The following WWC1 variants were observed in gnomAD, a reference collection of about 807,000 sequenced individuals.
WWC1 encodes protein KIBRA.
Under a neutral mutation model 138.4 loss-of-function variants are expected in WWC1, and 55 were observed. The ratio of observed to expected loss-of-function variants is 0.40; its 90% CI spans 0.32 to 0.50. The LOEUF (loss-of-function observed/expected upper bound fraction) is 0.50. WWC1 is among the 20% of genes least tolerant of loss of function. WWC1 has a pLI of 0.72. For synonymous variants in WWC1, 524 were observed against 564.9 expected (o/e 0.93, Z 1.03); for missense variants, 1,226 against 1,420.4 (o/e 0.86, Z 2.20).
At chr5:168,382,693 G>GT (rs936079359) in intron 2 of WWC1, among the ~76,000 whole-genome samples, 1 of 152,058 alleles carries the variant, frequency 6.6e-6, no homozygotes, top group African/African-American at 2.4e-5. Flanking sequence ...TCTCCGCCTT[G>GT]TTTTTTTGTT....
chr5:168,334,054 GAAAAAAA>G (rs70976475), intron 1 of WWC1, among the ~76,000 whole-genome samples: 2 of 44,510 alleles, frequency 4.5e-5, no homozygotes, highest in South Asian at 1.8e-3. Context: ...CATCCCTACT[GAAAAAAA>G]AAAAAAAAAA....
At chr5:168,423,148 C>CA (rs373732656) in intron 10 of WWC1, among the ~76,000 whole-genome samples, 3 of 106,918 alleles carry the variant, frequency 2.8e-5, no homozygotes, top group South Asian at 2.9e-4. Context: ...CCATCCCCCC[C>CA]CAAAAAAAAA....
intron 5 of WWC1, among the ~76,000 whole-genome samples, chr5:168,404,585 G>A (rs1038918030): frequency 6.6e-6 from 1 of 152,210 alleles, no homozygotes; most frequent in Admixed American, 6.5e-5. Context: ...TTCTGCTCAG[G>A]ATTCCCCATG....
intron 1 of WWC1, among the ~76,000 whole-genome samples, chr5:168,343,755 G>C (rs1774240834): frequency 6.6e-6 from 1 of 151,710 alleles, no homozygotes; most frequent in Non-Finnish European, 1.5e-5. Flanking sequence ...CCAGGAGGCG[G>C]AGGTTGCAGT....
chr5:168,337,636 G>A (rs557547568), intron 1 of WWC1, among the ~76,000 whole-genome samples: 1 of 152,366 alleles, frequency 6.6e-6, no homozygotes, highest in East Asian at 1.9e-4. Flanking sequence ...CACTGTTTCT[G>A]TTTTCATGGA....
intron 15 of WWC1, among the ~76,000 whole-genome samples, chr5:168,440,510 G>GTTTTGTT (rs572953001): frequency 6.6e-6 from 1 of 151,968 alleles, no homozygotes; most frequent in African/African-American, 2.4e-5. Context: ...TGTTGTTGTT[G>GTTTTGTT]TTGTTTTGTT....
chr5:168,370,063 G>C (rs889708456), intron 1 of WWC1, among the ~76,000 whole-genome samples: 1 of 125,164 alleles, frequency 8.0e-6, no homozygotes, highest in Admixed American at 8.6e-5. Flanking sequence ...ACCATGCCCA[G>C]CTAATTTTTG....
At chr5:168,364,607 G>T (rs1279220983) in intron 1 of WWC1, among the ~76,000 whole-genome samples, 1 of 152,184 alleles carries the variant, frequency 6.6e-6, no homozygotes, top group Non-Finnish European at 1.5e-5. Context: ...GCCTAGCATG[G>T]GCCTGGAGTG....
chr5:168,308,572 G>A (rs1429393387), intron 1 of WWC1, among the ~76,000 whole-genome samples: 1 of 152,170 alleles, frequency 6.6e-6, no homozygotes, highest in Admixed American at 6.5e-5. Flanking sequence ...TCAAGGCAGT[G>A]TCATCTGTTG....
Position 168,464,812 on chromosome 5 carries a change from C to A in WWC1, c.3000C>A (p.Thr1000=). The change falls in exon 21 of 23, where the codon ACC becomes ACA. Residue 1000 remains threonine (T), a synonymous_variant. Coordinates refer to ENST00000265293, the MANE Select transcript of WWC1 (RefSeq NM_015238.3). ...DLELDLQATR[T]WHSQLTQEIS... ...AGTTAGACCTGCAGGCGACAAGAAC[C>A]TGGCACAGCCAATTGACCCAGGAGA... 2 of 1,614,228 alleles carry A rather than the reference C, an allele frequency of 1.2e-6. No homozygotes were observed. Among genetic ancestry groups the A allele is most frequent in the Non-Finnish European group, 1.7e-6 (2 of 1,180,050 alleles).
At chr5:168,340,026 C>T (rs56401901) in intron 1 of WWC1, among the ~76,000 whole-genome samples, 64,728 of 130,930 alleles carry the variant, frequency 0.49, 17,173 homozygotes, top group Non-Finnish European at 0.61. Context: ...TTCTTTCTTT[C>T]CTTTCTTTCC....
At chr5:168,428,848 A>G (rs1355966952) in intron 13 of WWC1, 61 bp downstream of exon 13, 26 of 1,579,558 alleles carry the variant, frequency 1.6e-5, no homozygotes, top group Non-Finnish European at 2.3e-5. Flanking sequence ...TTCTTCATCC[A>G]CAGCGTTCCC....
At chr5:168,352,126 A>G (rs778492606) in intron 1 of WWC1, among the ~76,000 whole-genome samples, 7 of 152,196 alleles carry the variant, frequency 4.6e-5, no homozygotes, top group Non-Finnish European at 7.4e-5. Flanking sequence ...CAAGAGCTCA[A>G]TTAACATTAA....
intron 8 of WWC1, chr5:168,411,832 A>T: frequency 3.5e-6 from 1 of 285,902 alleles, no homozygotes; most frequent in Non-Finnish European, 5.2e-6. Context: ...CTAAAGGTCT[A>T]GGCATGCGTC....
In WWC1 at chr5:168,471,001, G is replaced by A. The variant is rs1470606303; in HGVS notation, c.*1984G>A. The A allele has an allele frequency of 6.6e-6, 1 of 152,120 alleles. No individual in the cohort carries two copies. Among genetic ancestry groups the A allele is most frequent in the Non-Finnish European group, 1.5e-5 (1 of 68,088 alleles). 9.4% of individuals were successfully genotyped at this position (152,120 alleles called of 1,614,324 possible). A position where few individuals can be genotyped will look rare whatever the true frequency, so the allele number is the denominator to read the frequency against. On this transcript the variant is annotated 3_prime_UTR_variant, in exon 23 of 23. Transcript: ENST00000265293. ...CTGGTATAAAGTGAGTGAAACCCAGGCAGAGACAGGCAAAATGGTGAGGCC... is the reference window on the plus strand; with the variant it reads ...CTGGTATAAAGTGAGTGAAACCCAGACAGAGACAGGCAAAATGGTGAGGCC...
rs560074939 is a variant in WWC1 at position 168,331,326 on chromosome 5, G to T, written c.119+39055G>T. On this transcript the variant is annotated intron_variant, in intron 1 of 22. Transcript: ENST00000265293. The stretch of plus-strand genomic sequence containing the variant: ...CCCATCAACTAGAGTTTTACAGATG[G>T]GCTTCAAGGAATTATCTGTTCCATA... 9.2e-5 allele frequency among the ~76,000 whole-genome samples: 14 copies of T among 152,298 alleles called. 1 individual carries two copies. The South Asian group carries it at 2.7e-3, about 29-fold the overall frequency.
intron 15 of WWC1, 133 bp downstream of exon 15, chr5:168,431,577 G>A: frequency 1.2e-5 from 12 of 1,014,960 alleles, no homozygotes; most frequent in Non-Finnish European, 1.7e-5. Flanking sequence ...GACGCAGGTT[G>A]TGCTATCAAT....
At chr5:168,435,133 A>G (rs975315883) in intron 15 of WWC1, among the ~76,000 whole-genome samples, 1 of 152,120 alleles carries the variant, frequency 6.6e-6, no homozygotes, top group Non-Finnish European at 1.5e-5. Context: ...CACTCATCAC[A>G]ATGACTAATT....
chr5:168,344,554 C>G (rs1316412613), intron 1 of WWC1, among the ~76,000 whole-genome samples: 1 of 152,188 alleles, frequency 6.6e-6, no homozygotes, highest in African/African-American at 2.4e-5. Flanking sequence ...GATAATAGTA[C>G]ACAGTTTCCT....
Sources: allele counts gnomAD v4.1 joint callset (sites outside exome capture counted in the v4.1 genomes callset), GRCh38; gene constraint gnomAD v4.1.1; transcripts MANE v1.5; gene names NCBI Gene and HGNC (gene_info 2026-07-23, HGNC 2026-07-21).